Variants in LRRC66 observed in about 807,000 individuals in gnomAD.
LRRC66 encodes the protein leucine-rich repeat-containing protein 66.
In LRRC66, 29 loss-of-function variants were observed where a neutral mutation model predicts 24.6. That is an observed-to-expected ratio of 1.18 (90% confidence interval 0.88 to 1.61). The LOEUF is 1.61. LRRC66 is among the 40% of genes most tolerant of loss of function. The pLI, the probability that LRRC66 is intolerant of heterozygous loss-of-function variation, is 0.00. For synonymous variants in LRRC66, 411 were observed against 397.6 expected (o/e 1.03, Z -0.40); for missense variants, 1,124 against 1,058.0 (o/e 1.06, Z -0.87).
At position 51,994,839 on chromosome 4, in the gene LRRC66, G is replaced by C. The variant is rs886702260; in HGVS notation, c.2183C>G (p.Ala728Gly). The change falls in exon 5 of 5, where the codon GCA (alanine) becomes GGA (glycine). Residue 728 changes from alanine to glycine, a missense_variant. By Grantham distance (60) the Ala-to-Gly change is moderately conservative (BLOSUM62 0). Transcript: ENST00000682860. ...SESARSKTEE[A>G]VPDEESLQDE... ...CTGCAGGGACTCCTCATCAGGCACT[G>C]CCTCTTCAGTCTTGCTCCTTGCACT... 2 of 1,614,188 alleles carry C rather than the reference G, an allele frequency of 1.2e-6. No homozygotes were observed. Among genetic ancestry groups the C allele is most frequent in the Non-Finnish European group, 1.7e-6 (2 of 1,180,040 alleles).
intron 2 of LRRC66, among the ~76,000 whole-genome samples, chr4:52,015,492 G>A (rs1229371507): frequency 2.0e-5 from 3 of 152,144 alleles, no homozygotes; most frequent in African/African-American, 2.4e-5. Flanking sequence ...TAGAGTATAC[G>A]ATTCTCAAGC....
chr4:52,016,535 C>T (rs1560562999), intron 2 of LRRC66, among the ~76,000 whole-genome samples: 1 of 152,068 alleles, frequency 6.6e-6, no homozygotes. Flanking sequence ...TATTGAATGT[C>T]AGATGAGAAT....
intron 2 of LRRC66, among the ~76,000 whole-genome samples, chr4:52,011,205 C>A (rs969884940): frequency 6.6e-6 from 1 of 152,130 alleles, no homozygotes; most frequent in African/African-American, 2.4e-5. Flanking sequence ...GGGATTATGG[C>A]TTTTAGTCCA....
intron 4 of LRRC66, among the ~76,000 whole-genome samples, chr4:51,997,494 T>TAAGG (rs1736347485): frequency 6.6e-5 from 10 of 152,196 alleles, no homozygotes; most frequent in Admixed American, 6.5e-4. Flanking sequence ...GAATTCCTCC[T>TAAGG]TTTCACCAAA....
chr4:51,996,146 C>G lies in LRRC66; in HGVS notation c.876G>C (p.Gly292=). The change falls in exon 5 of 5, where the codon GGG becomes GGC. Residue 292 remains glycine (G), a synonymous_variant. Coordinates refer to ENST00000682860, the MANE Select transcript of LRRC66 (RefSeq NM_001024611.3). ...NRSIGSEEAN[G]GTPQSRISRE... ...TGGAAATCCTGCTCTGGGGAGTGCC[C>G]CCGTTGGCCTCCTCACTCCCTGCAA... 1 of 1,610,692 alleles carries G rather than the reference C, an allele frequency of 6.2e-7. No individual in the cohort carries two copies. Among genetic ancestry groups the G allele is most frequent in the African/African-American group, 1.3e-5 (1 of 74,850 alleles).
intron 3 of LRRC66, among the ~76,000 whole-genome samples, chr4:51,998,338 A>T (rs1481963460): frequency 6.6e-6 from 1 of 152,248 alleles, no homozygotes. Context: ...GAACTACTGC[A>T]ATCTTGAAAG....
intron 2 of LRRC66, among the ~76,000 whole-genome samples, chr4:52,013,369 T>G (rs1736740828): frequency 6.6e-6 from 1 of 152,212 alleles, no homozygotes; most frequent in Non-Finnish European, 1.5e-5. Context: ...TTGGTTAATG[T>G]GAGGCTGCTA....
intron 2 of LRRC66, among the ~76,000 whole-genome samples, chr4:52,011,594 C>T (rs1325046815): frequency 2.0e-5 from 3 of 152,078 alleles, no homozygotes; most frequent in African/African-American, 7.2e-5. Context: ...GTTACCGTTA[C>T]AGCAAAGACC....
In LRRC66 at chr4:52,017,262, T is replaced by C. The variant is rs1164814700; in HGVS notation, c.352A>G (p.Asn118Asp). ...LHALEVLNLS[N>D]NAIHSLSLDL... is the part of the protein sequence containing the mutation. Reference sequence around the variant, plus strand: ...AATGAGAGGGAGTGGATGGCATTGTTGCTGAGGTTTAACACTTCCAAAGCA... The same window carrying C: ...AATGAGAGGGAGTGGATGGCATTGTCGCTGAGGTTTAACACTTCCAAAGCA... The change falls in exon 2 of 5, where the codon AAC (asparagine) becomes GAC (aspartate). Residue 118 changes from asparagine (N) to aspartate (D), a missense_variant. Coordinates refer to ENST00000682860, the MANE Select transcript of LRRC66 (RefSeq NM_001024611.3). 2 of 1,614,180 alleles carry C rather than the reference T, an allele frequency of 1.2e-6. No individual in the cohort carries two copies. Among genetic ancestry groups the C allele is most frequent in the Admixed American group, 3.3e-5 (2 of 60,028 alleles).
intron 2 of LRRC66, among the ~76,000 whole-genome samples, chr4:52,005,687 G>A (rs1473342615): frequency 6.6e-6 from 1 of 150,710 alleles, no homozygotes; most frequent in African/African-American, 2.4e-5. Flanking sequence ...CTTATAGTCA[G>A]CTTATTCTGG....
rs1736308318 is a variant in LRRC66 at position 51,996,074 on chromosome 4, G to A, written c.948C>T (p.Leu316=). 1.2e-6 allele frequency: 2 copies of A among 1,614,058 alleles called. No individual in the cohort carries two copies. Among genetic ancestry groups the A allele is most frequent in the Non-Finnish European group, 1.7e-6 (2 of 1,180,012 alleles). Residue 316 remains leucine (L), a synonymous_variant, in exon 5 of 5, where the codon CTC becomes CTT. Coordinates refer to ENST00000682860, the MANE Select transcript of LRRC66 (RefSeq NM_001024611.3). The part of the protein sequence containing the change: ...PPIHLHRMKS[L]IRSKAERPQG... ...GGGGCCTCTCTGCTTTGCTCCTTAT[G>A]AGGCTTTTCATGCGATGCAGATGAA...
chr4:51,996,036 T>A lies in LRRC66; in HGVS notation c.986A>T (p.His329Leu). 1 of 1,614,032 alleles carries A rather than the reference T, an allele frequency of 6.2e-7. No homozygotes were observed. The highest frequency in any genetic ancestry group is 8.5e-7 in the Non-Finnish European group (1 of 1,180,002). Residue 329 changes from histidine (H) to leucine (L), a missense_variant, in exon 5 of 5, where the codon CAC becomes CTC. Physicochemically the swap from His to Leu is moderately conservative, Grantham distance 99. Coordinates refer to ENST00000682860, the MANE Select transcript of LRRC66 (RefSeq NM_001024611.3). The part of the protein sequence containing the change: ...SKAERPQGGR[H>L]TGISTLGKKA... ...CTTCCCCAGAGTAGAAATGCCCGTGTGCCTTCCTCCCTGGGGCCTCTCTGC... is the reference window on the plus strand; with the variant it reads ...CTTCCCCAGAGTAGAAATGCCCGTGAGCCTTCCTCCCTGGGGCCTCTCTGC...
chr4:52,005,514 G>A (rs1169893319), intron 2 of LRRC66, among the ~76,000 whole-genome samples: 1 of 151,824 alleles, frequency 6.6e-6, no homozygotes, highest in Non-Finnish European at 1.5e-5. Flanking sequence ...TTGAGCCCGG[G>A]AGGCAGGGGC....
At chr4:52,007,989 TA>T (rs1197963291) in intron 2 of LRRC66, among the ~76,000 whole-genome samples, 2 of 152,176 alleles carry the variant, frequency 1.3e-5, no homozygotes, top group East Asian at 3.9e-4. Flanking sequence ...TTTTTTTTTT[TA>T]ATTTATAGAA....
intron 2 of LRRC66, among the ~76,000 whole-genome samples, chr4:52,006,452 C>T (rs1288678178): frequency 1.4e-5 from 2 of 147,972 alleles, no homozygotes; most frequent in Non-Finnish European, 3.0e-5. Context: ...ATTGCAAGAA[C>T]AAAAAACCAA....
chr4:52,003,367 C>T lies in LRRC66; in HGVS notation c.522G>A (p.Gln174=), dbSNP rs1464750854. The T allele has an allele frequency of 1.9e-6, 3 of 1,612,394 alleles. No homozygotes were observed. The highest frequency in any genetic ancestry group is 1.7e-6 in the Non-Finnish European group (2 of 1,179,600). Reference sequence around the variant, plus strand: ...TCCCATTGAATGACAGATCCAAACTCTGCAATGACTTCAGTTTCCACAGTC... The same window carrying T: ...TCCCATTGAATGACAGATCCAAACTTTGCAATGACTTCAGTTTCCACAGTC... ...PKGLWKLKSL[Q]SLDLSFNGIL... The change falls in exon 3 of 5, where the codon CAG becomes CAA. Residue 174 remains glutamine (Q), a synonymous_variant. Transcript: ENST00000682860.
chr4:52,017,700 T>A (rs1326490182), intron 1 of LRRC66, 82 bp from the exon 2 acceptor site: 1 of 1,403,386 alleles, frequency 7.1e-7, no homozygotes, highest in Admixed American at 3.0e-5. Context: ...AATTTTCAAT[T>A]TAAGATTTCG....
chr4:52,018,321 G>A, intron 1 of LRRC66: 2 of 984,756 alleles, frequency 2.0e-6, no homozygotes, highest in Middle Eastern at 5.2e-4. Context: ...AAAATTCAAA[G>A]TTTTTAAAAA....
intron 1 of LRRC66, chr4:52,018,360 T>G (rs373590695): frequency 1.0e-6 from 1 of 984,874 alleles, no homozygotes; most frequent in Non-Finnish European, 1.2e-6. Context: ...AATGGCTGAA[T>G]GTATCACAAA....
Sources: gnomAD v4.1 joint callset for allele counts (sites outside exome capture counted in the v4.1 genomes callset) on GRCh38, gnomAD v4.1.1 for gene constraint, MANE v1.5 for transcripts, NCBI Gene and HGNC (gene_info 2026-07-23, HGNC 2026-07-21) for gene names.